Variants in TET3 observed in about 807,000 individuals in gnomAD.
TET3 encodes the protein tet methylcytosine dioxygenase 3, also known as methylcytosine dioxygenase TET3.
TET3 carries 19 observed loss-of-function variants against 141.4 expected under a neutral mutation model. That is an observed-to-expected ratio of 0.13 (90% CI 0.09 to 0.20). TET3 has a LOEUF of 0.20. Ranked by LOEUF, TET3 falls within the 10% of genes least tolerant of loss-of-function variation. The pLI is 1.00. For synonymous variants in TET3, 1,043 were observed against 980.9 expected (o/e 1.06, Z -1.18); for missense variants, 1,874 against 2,356.9 (o/e 0.80, Z 4.24).
intron 6 of TET3, among the ~76,000 whole-genome samples, chr2:74,082,040 C>T (rs1689862361): frequency 1.3e-5 from 2 of 151,668 alleles, no homozygotes; most frequent in South Asian, 4.1e-4. Flanking sequence ...CGTAGAGTGA[C>T]AGCTGCCCCT....
rs1691323539 is a variant in TET3, at chr2:74,103,099, A to G, written c.*923A>G. The G allele has an allele frequency of 6.6e-6, 1 of 152,212 alleles. No individual in the cohort carries two copies. The highest frequency in any genetic ancestry group is 2.4e-5 in the African/African-American group (1 of 41,446). 9.4% of individuals were successfully genotyped at this position (152,212 alleles called of 1,614,324 possible). On this transcript the variant is annotated 3_prime_UTR_variant, in exon 12 of 12. Transcript: ENST00000409262. The stretch of plus-strand genomic sequence containing the variant: ...GAGGTTCTTAGGGGCCGTGCCCACC[A>G]TGTTGCCAAGCCAATGCATGCTGAG...
Position 74,106,796 on chromosome 2 carries a change from T to G in TET3, c.*4620T>G, listed in dbSNP as rs1691525696. On this transcript the variant is annotated 3_prime_UTR_variant, in exon 12 of 12. Coordinates refer to ENST00000409262, the MANE Select transcript of TET3 (RefSeq NM_001287491.2). ...TCATGACAACTTCAGTAAAGTAGATTCCATGAGGGTCTGATACCTGCAGGT... is the reference window on the plus strand; with the variant it reads ...TCATGACAACTTCAGTAAAGTAGATGCCATGAGGGTCTGATACCTGCAGGT... 1 of 153,186 alleles carries G rather than the reference T, an allele frequency of 6.5e-6. No individual in the cohort carries two copies. The highest frequency in any genetic ancestry group is 2.1e-4 in the South Asian group (1 of 4,834). 9.5% of individuals were successfully genotyped at this position (153,186 alleles called of 1,614,324 possible).
Position 74,047,899 on chromosome 2 carries a change from A to G in TET3, c.1982A>G (p.Glu661Gly). The change falls in exon 4 of 12, where the codon GAA becomes GGA. Residue 661 changes from glutamate (E) to glycine (G), a missense_variant. Coordinates refer to ENST00000409262, the MANE Select transcript of TET3 (RefSeq NM_001287491.2). ...SQGSAVPLPP[E>G]PSLALFAPSP... ...GGCTCTGCTGTGCCCCTGCCCCCAGAACCTTCTCTTGCGCTATTTGCACCT... is the reference window on the plus strand; with the variant it reads ...GGCTCTGCTGTGCCCCTGCCCCCAGGACCTTCTCTTGCGCTATTTGCACCT... 6.2e-7 allele frequency: 1 copy of G among 1,613,084 alleles called. No homozygotes were observed. Among genetic ancestry groups the G allele is most frequent in the Non-Finnish European group, 8.5e-7 (1 of 1,179,592 alleles).
chr2:74,101,544 C>T lies in TET3; in HGVS notation c.4756C>T (p.Leu1586=). 6.2e-7 allele frequency: 1 copy of T among 1,610,016 alleles called. No individual in the cohort carries two copies. Among genetic ancestry groups the T allele is most frequent in the South Asian group, 1.1e-5 (1 of 90,636 alleles). Residue 1586 remains leucine, a synonymous_variant, in exon 12 of 12, where the codon CTG becomes TTG. Transcript: ENST00000409262. This position sits in a 1 kb window ranked among gnomAD's most constrained non-coding sequence, Gnocchi z 8.5. Reference sequence around the variant, plus strand: ...GGCCTGGCAGTCCTTTGGTCTGCCCCTGGGATCCAGCGAGAAGCTGTTTGG... The same window carrying T: ...GGCCTGGCAGTCCTTTGGTCTGCCCTTGGGATCCAGCGAGAAGCTGTTTGG... ...DRAWQSFGLP[L]GSSEKLFGAL...
At chr2:74,003,076 C>T (rs1684949790) in intron 2 of TET3, 34 bp from the exon 3 acceptor site, 2 of 1,550,364 alleles carry the variant, frequency 1.3e-6, no homozygotes, top group Non-Finnish European at 1.7e-6. Context: ...CTGGTACCCG[C>T]CTGGCTCACA....
chr2:74,090,195 T>TCACA, intron 8 of TET3, 148 bp downstream of exon 8: 1 of 1,263,758 alleles, frequency 7.9e-7, no homozygotes, highest in Non-Finnish European at 1.1e-6. Context: ...GACCTTATCT[T>TCACA]GCTGTGAAAT....
In TET3 at chr2:74,099,438, G is replaced by T. The variant is rs948705541; in HGVS notation, c.3430G>T (p.Ala1144Ser). The stretch of plus-strand genomic sequence containing the variant: ...CAGCGGAGCCATCCAGGTGCTCACC[G>T]CCTTCCCCCGCGAGGTCCGACGCCT... Reference protein sequence around the residue: ...VGSGAIQVLTAFPREVRRLPE... With the variant: ...VGSGAIQVLTSFPREVRRLPE... Residue 1144 changes from alanine to serine, a missense_variant, in exon 11 of 12, where the codon GCC becomes TCC. Coordinates refer to ENST00000409262, the MANE Select transcript of TET3 (RefSeq NM_001287491.2). The T allele has an allele frequency of 6.2e-7, 1 of 1,613,932 alleles. No individual in the cohort carries two copies. Among genetic ancestry groups the T allele is most frequent in the South Asian group, 1.1e-5 (1 of 91,076 alleles).
At chr2:74,080,931 C>G (rs1417120181) in intron 6 of TET3, among the ~76,000 whole-genome samples, 4 of 152,190 alleles carry the variant, frequency 2.6e-5, no homozygotes, top group African/African-American at 9.7e-5. Flanking sequence ...GGAAGGGAAA[C>G]TGGGGATGCT....
chr2:74,080,432 C>T (rs1689744557), intron 5 of TET3, 66 bp from the exon 6 acceptor site: 3 of 1,443,908 alleles, frequency 2.1e-6, no homozygotes, highest in African/African-American at 2.8e-5. Context: ...AGGCTGTCTT[C>T]TGACCAAAAG....
At chr2:74,132,711 T>A in the TET3 span, among the ~76,000 whole-genome samples, 1 of 151,938 alleles carries the variant, frequency 6.6e-6, no homozygotes, top group Non-Finnish European at 1.5e-5. Flanking sequence ...ATATATAAAT[T>A]AAGAGGTACT....
intron 3 of TET3, among the ~76,000 whole-genome samples, chr2:74,006,016 G>A (rs1685133665): frequency 6.6e-6 from 1 of 152,132 alleles, no homozygotes; most frequent in African/African-American, 2.4e-5. Flanking sequence ...GACTGGCTGA[G>A]GATGTCTGGA....
chr2:74,064,473 C>G (rs1362909775), intron 4 of TET3, among the ~76,000 whole-genome samples: 2 of 152,190 alleles, frequency 1.3e-5, no homozygotes, highest in Non-Finnish European at 2.9e-5. Context: ...GATTCCCACT[C>G]ACTACAACCT....
At position 74,102,133 on chromosome 2, in the gene TET3, A is replaced by C. The variant is rs1256830848; in HGVS notation, c.5345A>C (p.Tyr1782Ser). 1 of 1,480,498 alleles carries C rather than the reference A, an allele frequency of 6.8e-7. No individual in the cohort carries two copies. The highest frequency in any genetic ancestry group is 9.0e-7 in the Non-Finnish European group (1 of 1,115,472). 91.7% of individuals were successfully genotyped at this position (1,480,498 alleles called of 1,614,324 possible). A position where few individuals can be genotyped will look rare whatever the true frequency, so the allele number is the denominator to read the frequency against. ...PTDSAVTVSS[Y>S]AYTKVTGPYS... ...GACTCGGCGGTCACCGTGTCCTCCTATGCCTACACGAAGGTCACTGGCCCC... is the reference window on the plus strand; with the variant it reads ...GACTCGGCGGTCACCGTGTCCTCCTCTGCCTACACGAAGGTCACTGGCCCC... The change falls in exon 12 of 12, where the codon TAT becomes TCT. Residue 1782 changes from tyrosine (Y) to serine (S), a missense_variant. Tyr to Ser is a moderately radical substitution (Grantham distance 144). Around this residue, in one of 10 missense-constraint regions of TET3, gnomAD observed 113 missense variants for 114.3 expected, o/e 0.99. Transcript: ENST00000409262.
At chr2:74,070,318 A>G (rs576328510) in intron 4 of TET3, among the ~76,000 whole-genome samples, 1 of 152,330 alleles carries the variant, frequency 6.6e-6, no homozygotes, top group African/African-American at 2.4e-5. Context: ...ACAAGAGAGA[A>G]TGAGAGCCAA....
rs1420887883 is a variant in TET3 at position 74,104,885 on chromosome 2, C to T, written c.*2709C>T. On this transcript the variant is annotated 3_prime_UTR_variant, in exon 12 of 12. Transcript: ENST00000409262. ...GCAGTCTCCATTGGATGTCCCCACT[C>T]CCCGCAGAATGGCGTTTCCAGAGTT... 2.3e-5 allele frequency: 7 copies of T among 308,976 alleles called. No individual in the cohort carries two copies. Among genetic ancestry groups the T allele is most frequent in the Non-Finnish European group, 3.5e-5 (6 of 170,928 alleles). 19.1% of individuals were successfully genotyped at this position (308,976 alleles called of 1,614,324 possible).
chr2:74,058,311 C>G (rs147129995), intron 4 of TET3, among the ~76,000 whole-genome samples: 59 of 152,282 alleles, frequency 3.9e-4, no homozygotes, highest in Admixed American at 1.4e-3. Context: ...CACACAGATT[C>G]ATTCTGGTGG....
At chr2:74,016,484 A>G (rs1039749898) in intron 3 of TET3, among the ~76,000 whole-genome samples, 1 of 152,120 alleles carries the variant, frequency 6.6e-6, no homozygotes, top group East Asian at 1.9e-4. Flanking sequence ...CACTTTGGGA[A>G]GCTGAGGCAG....
intron 4 of TET3, among the ~76,000 whole-genome samples, chr2:74,049,949 G>A (rs896865362): frequency 2.6e-5 from 4 of 151,990 alleles, no homozygotes; most frequent in African/African-American, 7.3e-5. Context: ...ACATGACTTC[G>A]AGGGCCCTCT....
chr2:74,045,065 G>A (rs1687545151), intron 3 of TET3, among the ~76,000 whole-genome samples: 2 of 152,170 alleles, frequency 1.3e-5, no homozygotes, highest in African/African-American at 2.4e-5. Flanking sequence ...TTTCTAGAAC[G>A]CCCTTCAATT....
Sources: gnomAD v4.1 joint callset for allele counts (sites outside exome capture counted in the v4.1 genomes callset) on GRCh38, gnomAD v4.1.1 for gene constraint, gnomAD v4.1.1 regional missense constraint, Gnocchi (gnomAD v3.1) non-coding constraint, MANE v1.5 for transcripts, NCBI Gene and HGNC (gene_info 2026-07-23, HGNC 2026-07-21) for gene names.